The following FBXO17 variants were observed in gnomAD, a reference collection of about 807,000 sequenced individuals.
FBXO17 encodes F-box protein 17, also known as F-box only protein 17.
A neutral mutation model predicts 34.1 loss-of-function variants in FBXO17; 43 were observed. That is an observed-to-expected ratio of 1.26 (90% CI 0.99 to 1.62). FBXO17 has a LOEUF of 1.62. Among genes scored for constraint, FBXO17 ranks in the 40% most tolerant of loss-of-function variants. FBXO17 has a pLI of 0.00. For missense variants in FBXO17, 424 were observed against 386.7 expected (o/e 1.10, Z -0.81); for synonymous variants, 169 against 166.0 (o/e 1.02, Z -0.14).
chr19:38,974,035 T>TATATATATATATATATATAC (rs1568447811), intron 1 of FBXO17, among the ~76,000 whole-genome samples: 2 of 62,944 alleles, frequency 3.2e-5, no homozygotes, highest in African/African-American at 9.5e-5. Context: ...TATATATACA[T>TATATATATATATATATATAC]ATATATATAT....
intron 1 of FBXO17, among the ~76,000 whole-genome samples, chr19:38,974,338 A>G (rs1252483579): frequency 1.3e-5 from 2 of 152,062 alleles, no homozygotes; most frequent in African/African-American, 4.8e-5. Context: ...TCGGCCTCCC[A>G]GAGTGCTGGG....
chr19:38,973,946 G>A (rs1975423397), intron 1 of FBXO17, among the ~76,000 whole-genome samples: 1 of 150,668 alleles, frequency 6.6e-6, no homozygotes, highest in African/African-American at 2.4e-5. Context: ...TTACGACACT[G>A]TACTCCAGCC....
chr19:38,946,748 C>T, intron 3 of FBXO17, 181 bp from the exon 4 acceptor site: 1 of 850,880 alleles, frequency 1.2e-6, no homozygotes. Context: ...TCTTGGAGTC[C>T]CTTTGCCATT....
At chr19:38,947,211 C>G (rs932345117) in intron 3 of FBXO17, 8 of 152,862 alleles carry the variant, frequency 5.2e-5, no homozygotes, top group Non-Finnish European at 1.5e-5. Context: ...TCCTTCTCCT[C>G]AAACTAGAAT....
intron 4 of FBXO17, 147 bp from the exon 5 acceptor site, chr19:38,945,251 G>A: frequency 9.3e-7 from 1 of 1,075,046 alleles, no homozygotes; most frequent in Non-Finnish European, 1.3e-6. Context: ...GGAACCTCTA[G>A]GGGAGGAGCC....
intron 4 of FBXO17, chr19:38,945,370 C>G: frequency 2.3e-6 from 1 of 433,422 alleles, no homozygotes. Flanking sequence ...GGAGCCAGAG[C>G]CTGGGGGAGG....
At chr19:38,948,981 G>T (rs1975029853) in intron 2 of FBXO17, among the ~76,000 whole-genome samples, 2 of 152,222 alleles carry the variant, frequency 1.3e-5, no homozygotes, top group Non-Finnish European at 2.9e-5. Context: ...CCAGGCTGGA[G>T]TGCAGTGGCT....
chr19:38,949,734 C>G, intron 2 of FBXO17: 6 of 586,128 alleles, frequency 1.0e-5, no homozygotes, highest in South Asian at 6.5e-5. Context: ...GCTTTCTCCC[C>G]CGGCCCAGCC....
intron 1 of FBXO17, among the ~76,000 whole-genome samples, chr19:38,953,380 G>A (rs1306379961): frequency 1.3e-5 from 2 of 150,972 alleles, no homozygotes; most frequent in African/African-American, 4.9e-5. Context: ...GAGAGGGTTT[G>A]GGCTGGGCAC....
rs770123264 is a variant in FBXO17 at position 38,941,916 on chromosome 19, G to T, written c.*692C>A. The T allele has an allele frequency of 6.6e-6, 1 of 152,092 alleles. No homozygotes were observed. The highest frequency in any genetic ancestry group is 1.5e-5 in the Non-Finnish European group (1 of 68,044). 9.4% of individuals were successfully genotyped at this position (152,092 alleles called of 1,614,324 possible). A position where few individuals can be genotyped will look rare whatever the true frequency, so the allele number is the denominator to read the frequency against. On this transcript the variant is annotated 3_prime_UTR_variant, in exon 6 of 6. Coordinates refer to ENST00000292852, the MANE Select transcript of FBXO17 (RefSeq NM_024907.7). ...CAGCGGACCTCTGCTCCCTGCCCAC[G>T]ATCATTACCCCCAAAACATGCCGGC...
rs572852471 is a variant in FBXO17 at position 38,961,574 on chromosome 19, C to T, written c.-17-11238G>A. Among the ~76,000 whole-genome samples, 40 of 150,396 alleles carry T rather than the reference C, an allele frequency of 2.7e-4. 1 individual carries two copies. Among genetic ancestry groups the T allele is most frequent in the Non-Finnish European group, 4.7e-4 (32 of 67,570 alleles). Reference sequence around the variant, plus strand: ...ACAGGTGTGAGCCACCGCTCCCAGCCGATATGGAACATTTCTATTGCCCCA... The same window carrying T: ...ACAGGTGTGAGCCACCGCTCCCAGCTGATATGGAACATTTCTATTGCCCCA... On this transcript the variant is annotated intron_variant, in intron 1 of 5. Coordinates refer to ENST00000292852, the MANE Select transcript of FBXO17 (RefSeq NM_024907.7).
In FBXO17 at chr19:38,945,109, C is replaced by T; in HGVS notation, c.558-5G>A. The T allele has an allele frequency of 6.2e-7, 1 of 1,613,944 alleles. No individual in the cohort carries two copies. The highest frequency in any genetic ancestry group is 8.5e-7 in the Non-Finnish European group (1 of 1,179,942). The stretch of plus-strand genomic sequence containing the variant: ...CAGTTCTCTCGAGCGCCCCACCTGC[C>T]AGGCAGCAGTCAGCCTCTATGCCCC... On this transcript the variant is annotated splice_region_variant and splice_polypyrimidine_tract_variant and intron_variant, in intron 4 of 5. Coordinates refer to ENST00000292852, the MANE Select transcript of FBXO17 (RefSeq NM_024907.7).
At chr19:38,957,862 G>T (rs1975189694) in intron 1 of FBXO17, among the ~76,000 whole-genome samples, 2 of 152,166 alleles carry the variant, frequency 1.3e-5, no homozygotes, top group South Asian at 4.1e-4. Flanking sequence ...AGCACTTTGG[G>T]AGGTGGAGGC....
chr19:38,957,588 C>T (rs1413544788), intron 1 of FBXO17, among the ~76,000 whole-genome samples: 3 of 152,156 alleles, frequency 2.0e-5, no homozygotes, highest in Non-Finnish European at 4.4e-5. Flanking sequence ...TTGTGATCCG[C>T]CCGCCTAGGC....
At chr19:38,951,376 C>T (rs1975081586) in intron 1 of FBXO17, among the ~76,000 whole-genome samples, 1 of 151,550 alleles carries the variant, frequency 6.6e-6, no homozygotes, top group African/African-American at 2.4e-5. Context: ...GGTCTCACTA[C>T]ATTGCCCTGG....
chr19:38,947,587 A>AAAAAAC (rs1301197502), intron 3 of FBXO17, among the ~76,000 whole-genome samples: 21 of 152,156 alleles, frequency 1.4e-4, no homozygotes, highest in Non-Finnish European at 7.4e-5. Flanking sequence ...ACTCTATCTC[A>AAAAAAC]AAAAACAAAA....
At chr19:38,953,391 G>T (rs1034491100) in intron 1 of FBXO17, among the ~76,000 whole-genome samples, 1 of 151,894 alleles carries the variant, frequency 6.6e-6, no homozygotes. Flanking sequence ...GGCTGGGCAC[G>T]GTAGCTCACA....
At chr19:38,970,763 G>C (rs1294450999) in intron 1 of FBXO17, among the ~76,000 whole-genome samples, 1 of 152,016 alleles carries the variant, frequency 6.6e-6, no homozygotes, top group Non-Finnish European at 1.5e-5. Context: ...CCTACTAGGG[G>C]ACTTATGTAA....
At chr19:38,973,969 T>TTTTGA (rs753441027) in intron 1 of FBXO17, among the ~76,000 whole-genome samples, 12 of 121,164 alleles carry the variant, frequency 9.9e-5, no homozygotes, top group Non-Finnish European at 2.1e-4. Flanking sequence ...GGCAACACAG[T>TTTTGA]TTTGATTTGA....
Sources: gnomAD v4.1 joint callset for allele counts (sites outside exome capture counted in the v4.1 genomes callset) on GRCh38, gnomAD v4.1.1 for gene constraint, MANE v1.5 for transcripts, NCBI Gene and HGNC (gene_info 2026-07-23, HGNC 2026-07-21) for gene names.